Variants in TBX3 observed in about 807,000 individuals in gnomAD.
The protein encoded by TBX3 is T-box transcription factor TBX3.
Under a neutral mutation model 47.8 loss-of-function variants are expected in TBX3, and 11 were observed. The ratio of observed to expected loss-of-function variants is 0.23; its 90% CI spans 0.14 to 0.38. The LOEUF (loss-of-function observed/expected upper bound fraction) is 0.38, where lower values mean the gene tolerates loss of function less well. TBX3 is among the 10% of genes least tolerant of loss of function. The probability of loss-of-function intolerance (pLI) is 1.00; values close to 1 mark genes in which losing one functional copy is unlikely to be tolerated. For synonymous variants in TBX3, 500 were observed against 449.3 expected (o/e 1.11, Z -1.43); for missense variants, 927 against 1,022.8 (o/e 0.91, Z 1.28).
rs576572992 is a variant in TBX3 at position 114,683,951 on chromosome 12, CCT to C, written c.-753_-752del. Reference sequence around the variant, plus strand: ...AATCTTGCTGGGCTCTTCTCCCGTGCCTCTCTCTCTTCCTTGTCCTAAAACGT... The same window carrying C: ...AATCTTGCTGGGCTCTTCTCCCGTGCCTCTCTCTTCCTTGTCCTAAAACGT... On this transcript the variant is annotated 5_prime_UTR_variant, in exon 1 of 7. Transcript: ENST00000349155. This position sits in a 1 kb window ranked among gnomAD's most constrained non-coding sequence, Gnocchi z 7.7. The C allele has an allele frequency of 1.3e-4, 30 of 231,402 alleles. No homozygotes were observed. Among genetic ancestry groups the C allele is most frequent in the East Asian group, 9.8e-4 (16 of 16,388 alleles). The allele number at this position is 231,402 out of a possible 1,614,324, so 14.3% of individuals were successfully genotyped here. A position where few individuals can be genotyped will look rare whatever the true frequency, so the allele number is the denominator to read the frequency against.
At position 114,671,641 on chromosome 12, in the gene TBX3, A is replaced by G; in HGVS notation, c.*200T>C. 1.5e-6 allele frequency: 1 copy of G among 674,106 alleles called. No homozygotes were observed. The highest frequency in any genetic ancestry group is 2.5e-6 in the Non-Finnish European group (1 of 395,522). The allele number at this position is 674,106 out of a possible 1,614,324, so 41.8% of individuals were successfully genotyped here. The stretch of plus-strand genomic sequence containing the variant: ...TTTCTGAGCCCCCAGAATCTGATCC[A>G]GATCCCGGACATATAAACCACGCCA... On this transcript the variant is annotated 3_prime_UTR_variant, in exon 7 of 7. Coordinates refer to ENST00000349155, the MANE Select transcript of TBX3 (RefSeq NM_005996.4).
In TBX3 at chr12:114,674,831, T is replaced by A; in HGVS notation, c.1044A>T (p.Leu348Phe). 6.4e-7 allele frequency: 1 copy of A among 1,569,398 alleles called. No homozygotes were observed. Among genetic ancestry groups the A allele is most frequent in the African/African-American group, 1.3e-5 (1 of 74,722 alleles). ...CGTCGCTCTCACCCTCGCTGGGACA[T>A]AAATCTACCACAGGCGAAGGAAAAA... is the stretch of plus-strand genomic sequence containing the variant. ...STVGTSNLKD[L>F]CPSEGESDAE... is the part of the protein sequence containing the mutation. The change falls in exon 6 of 7, where the codon TTA becomes TTT. Residue 348 changes from leucine to phenylalanine, a missense_variant. Leu to Phe is a conservative substitution (Grantham distance 22, BLOSUM62 0). Transcript: ENST00000349155.
chr12:114,674,862 G>A (rs2121385888), intron 5 of TBX3, 27 bp from the exon 6 acceptor site: 2 of 1,551,102 alleles, frequency 1.3e-6, no homozygotes, highest in African/African-American at 2.7e-5. Context: ...AAAAAACCAA[G>A]GCAGAAGGGC....
intron 3 of TBX3, 60 bp downstream of exon 3, chr12:114,679,445 A>G: frequency 1.2e-6 from 2 of 1,610,498 alleles, no homozygotes; most frequent in Non-Finnish European, 1.7e-6. Context: ...CCTGACTTAA[A>G]GCAGCTTTTA....
Position 114,676,342 on chromosome 12 carries a change from G to T in TBX3, c.1010C>A (p.Ala337Asp), listed in dbSNP as rs768904703. 6.2e-7 allele frequency: 1 copy of T among 1,614,132 alleles called. No homozygotes were observed. Among genetic ancestry groups the T allele is most frequent in the Non-Finnish European group, 8.5e-7 (1 of 1,180,032 alleles). The change falls in exon 5 of 7, where the codon GCC becomes GAC. Residue 337 changes from alanine (A) to aspartate (D), a missense_variant. Ala to Asp is a moderately radical substitution (Grantham distance 126). Coordinates refer to ENST00000349155, the MANE Select transcript of TBX3 (RefSeq NM_005996.4). The stretch of plus-strand genomic sequence containing the variant: ...GAGGTTCGATGTCCCTACAGTGGAG[G>T]CGGCTGGAGAAGAAGCCTGGGCGAA... ...NCFAQASSPAASTVGTSNLKD... is the reference protein window; with the variant it reads ...NCFAQASSPADSTVGTSNLKD...
At chr12:114,672,415 T>G in intron 6 of TBX3, 113 bp from the exon 7 acceptor site, 2 of 837,710 alleles carry the variant, frequency 2.4e-6, no homozygotes, top group Non-Finnish European at 3.3e-6. Context: ...CCCTGGTATG[T>G]TCTGTTGTTG....
Position 114,671,970 on chromosome 12 carries a change from GGAGGA to G in TBX3, c.2038_2042del (p.Ser680GlnfsTer28). ...GTTTGGGCGACAAGGACATGGAGCT[GGAGGA>G]GAGCGTGGAGGAGCGGCTGTTGAGT... is the stretch of plus-strand genomic sequence containing the variant. On this transcript the variant is annotated frameshift_variant, in exon 7 of 7. Transcript: ENST00000349155. LOFTEE classifies it high-confidence loss of function. The G allele has an allele frequency of 6.2e-7, 1 of 1,601,286 alleles. No homozygotes were observed. The highest frequency in any genetic ancestry group is 8.5e-7 in the Non-Finnish European group (1 of 1,174,002).
chr12:114,679,384 C>T, intron 3 of TBX3, 121 bp downstream of exon 3: 1 of 1,408,066 alleles, frequency 7.1e-7, no homozygotes, highest in Non-Finnish European at 1.0e-6. Context: ...CTCCACAAAT[C>T]ACAAAAGACA....
Position 114,683,453 on chromosome 12 carries a change from C to T in TBX3, c.-253G>A. ...GGCGAAAAATCAGCAAACATAGTCG[C>T]GCGGGTGACCGTCCTTGTGCCTTGC... On this transcript the variant is annotated 5_prime_UTR_variant, in exon 1 of 7. Transcript: ENST00000349155. This position sits in a 1 kb window ranked among gnomAD's most constrained non-coding sequence, Gnocchi z 7.7. 3.8e-6 allele frequency: 2 copies of T among 532,522 alleles called. No homozygotes were observed. Among genetic ancestry groups the T allele is most frequent in the South Asian group, 2.7e-5 (1 of 36,632 alleles). 33.0% of individuals were successfully genotyped at this position (532,522 alleles called of 1,614,324 possible). A position where few individuals can be genotyped will look rare whatever the true frequency, so the allele number is the denominator to read the frequency against.
intron 1 of TBX3, among the ~76,000 whole-genome samples, chr12:114,681,987 A>G (rs548291904): frequency 2.6e-5 from 4 of 152,124 alleles, no homozygotes; most frequent in Non-Finnish European, 4.4e-5. Flanking sequence ...CATGAAGGGG[A>G]TTTTATTTTT....
chr12:114,671,894 A>T lies in TBX3; in HGVS notation c.2119T>A (p.Leu707Met). ...ATSELQSIQR[L>M]VSGLEAKPDR... ...GGCTTGGCTTCCAAGCCGCTAACCAACCGCTGGATGCTCTGCAGTTCGCTG... is the reference window on the plus strand; with the variant it reads ...GGCTTGGCTTCCAAGCCGCTAACCATCCGCTGGATGCTCTGCAGTTCGCTG... The change falls in exon 7 of 7, where the codon TTG becomes ATG. Residue 707 changes from leucine to methionine, a missense_variant. Physicochemically the swap from Leu to Met is conservative, Grantham distance 15. This residue lies in a region of TBX3 where 623 missense variants were observed against 569.0 expected (regional missense o/e 1.09). Transcript: ENST00000349155. The T allele has an allele frequency of 1.3e-6, 2 of 1,577,296 alleles. No homozygotes were observed. Among genetic ancestry groups the T allele is most frequent in the Non-Finnish European group, 1.7e-6 (2 of 1,161,660 alleles).
At chr12:114,672,759 TA>T (rs1868505513) in intron 6 of TBX3, among the ~76,000 whole-genome samples, 2 of 152,066 alleles carry the variant, frequency 1.3e-5, no homozygotes, top group African/African-American at 4.8e-5. Context: ...CCGGAGGACA[TA>T]AATTAGTAGG....
chr12:114,671,589 AC>A lies in TBX3; in HGVS notation c.*251del. ...TCTGGACATAAATGTTGGAACTCCTACCCCCAGTAGCTCAATGCAACCGACG... is the reference window on the plus strand; with the variant it reads ...TCTGGACATAAATGTTGGAACTCCTACCCCAGTAGCTCAATGCAACCGACG... On this transcript the variant is annotated 3_prime_UTR_variant, in exon 7 of 7. Transcript: ENST00000349155. 2 of 580,338 alleles carry A rather than the reference AC, an allele frequency of 3.4e-6. No individual in the cohort carries two copies. Among genetic ancestry groups the A allele is most frequent in the Non-Finnish European group, 6.1e-6 (2 of 325,874 alleles). The allele number at this position is 580,338 out of a possible 1,614,324, so 35.9% of individuals were successfully genotyped here.
rs1400396915 is a variant in TBX3 at position 114,672,322 on chromosome 12, A to G, written c.1711-20T>C. On this transcript the variant is annotated intron_variant, in intron 6 of 6. Transcript: ENST00000349155. ...CAGGCCCTGGGGTGAGAAAAGAGACACACAGCGAGTCAGCCGGGTGGGAGG... is the reference window on the plus strand; with the variant it reads ...CAGGCCCTGGGGTGAGAAAAGAGACGCACAGCGAGTCAGCCGGGTGGGAGG... 1 of 1,516,024 alleles carries G rather than the reference A, an allele frequency of 6.6e-7. No individual in the cohort carries two copies. The highest frequency in any genetic ancestry group is 2.4e-5 in the East Asian group (1 of 41,124). The allele number at this position is 1,516,024 out of a possible 1,614,324, so 93.9% of individuals were successfully genotyped here.
chr12:114,680,653 A>G, intron 2 of TBX3: 1 of 657,924 alleles, frequency 1.5e-6, no homozygotes, highest in Non-Finnish European at 2.7e-6. Flanking sequence ...TGGAATTGCT[A>G]TAGAACACAA....
chr12:114,671,760 G>A lies in TBX3; in HGVS notation c.*81C>T. 1 of 1,518,570 alleles carries A rather than the reference G, an allele frequency of 6.6e-7. No homozygotes were observed. The highest frequency in any genetic ancestry group is 2.5e-5 in the East Asian group (1 of 40,790). The allele number at this position is 1,518,570 out of a possible 1,614,324, so 94.1% of individuals were successfully genotyped here. The stretch of plus-strand genomic sequence containing the variant: ...AAAAGGAAGGGCTAACGCCATGGCG[G>A]GCCCGTGGTTTATTTTATATCCGAC... On this transcript the variant is annotated 3_prime_UTR_variant, in exon 7 of 7. Coordinates refer to ENST00000349155, the MANE Select transcript of TBX3 (RefSeq NM_005996.4).
intron 3 of TBX3, among the ~76,000 whole-genome samples, chr12:114,678,328 G>T (rs1222935001): frequency 6.6e-6 from 1 of 152,152 alleles, no homozygotes; most frequent in Non-Finnish European, 1.5e-5. Context: ...TCATTTCACA[G>T]GATTCTGGGT....
At chr12:114,679,714 T>C (rs1342148156) in intron 2 of TBX3, 63 bp from the exon 3 acceptor site, 2 of 1,610,778 alleles carry the variant, frequency 1.2e-6, no homozygotes, top group Non-Finnish European at 1.7e-6. Flanking sequence ...AACGGGATCT[T>C]AGGACCCCTG....
In TBX3 at chr12:114,684,071, G is replaced by GGA. The variant is rs57078153; in HGVS notation, c.-873_-872dup. 0.31 allele frequency: 66,586 copies of GGA among 214,190 alleles called. 7,017 individuals are homozygous for GGA. The highest frequency in any genetic ancestry group is 0.39 in the African/African-American group (16,810 of 43,276). The allele number at this position is 214,190 out of a possible 1,614,324, so 13.3% of individuals were successfully genotyped here. On this transcript the variant is annotated 5_prime_UTR_variant, in exon 1 of 7. Coordinates refer to ENST00000349155, the MANE Select transcript of TBX3 (RefSeq NM_005996.4). ...TGGAACAGAGGGAAAGAGAGGGAGG[G>GGA]GAGAGAGAGAGAGAGAGAGAGAGAC... is the stretch of plus-strand genomic sequence containing the variant.
Sources: gnomAD v4.1 joint callset for allele counts (sites outside exome capture counted in the v4.1 genomes callset) on GRCh38, gnomAD v4.1.1 for gene constraint, gnomAD v4.1.1 regional missense constraint, Gnocchi (gnomAD v3.1) non-coding constraint, MANE v1.5 for transcripts, NCBI Gene and HGNC (gene_info 2026-07-23, HGNC 2026-07-21) for gene names.